The following PRKN variants were observed in gnomAD, a reference collection of about 807,000 sequenced individuals.
The protein encoded by PRKN is parkin RBR E3 ubiquitin protein ligase, also known as E3 ubiquitin-protein ligase parkin.
Under a neutral mutation model 59.5 loss-of-function variants are expected in PRKN, and 56 were observed. That is an observed-to-expected ratio of 0.94 (90% CI 0.76 to 1.18). The LOEUF (loss-of-function observed/expected upper bound fraction) is 1.18, where lower values mean the gene tolerates loss of function less well. Ranked by LOEUF, PRKN falls within the 50% of genes most tolerant of loss-of-function variation. PRKN has a pLI of 0.00. For missense variants in PRKN, 657 were observed against 596.4 expected (o/e 1.10, Z -1.06); for synonymous variants, 250 against 222.1 (o/e 1.13, Z -1.12).
At chr6:162,675,251 C>T (rs968470753) in intron 1 of PRKN, among the ~76,000 whole-genome samples, 7 of 151,876 alleles carry the variant, frequency 4.6e-5, no homozygotes. Flanking sequence ...GGTTTCACAA[C>T]GTTGGCCAGA....
intron 9 of PRKN, among the ~76,000 whole-genome samples, chr6:161,513,271 C>A (rs560054190): frequency 1.3e-5 from 2 of 152,136 alleles, no homozygotes; most frequent in Non-Finnish European, 2.9e-5. Context: ...GATGGGGTCT[C>A]GCTCTGTCAC....
intron 1 of PRKN, among the ~76,000 whole-genome samples, chr6:162,681,068 C>T (rs554199500): frequency 1.5e-5 from 2 of 133,962 alleles, no homozygotes; most frequent in South Asian, 2.2e-4. Flanking sequence ...CACTTTCACA[C>T]GTGTTTTTGA....
rs1467302308 is a variant in PRKN at position 162,647,312 on chromosome 6, TAAGTAAATCA to T, written c.7+80340_7+80349del. On this transcript the variant is annotated intron_variant, in intron 1 of 11. Coordinates refer to ENST00000366898, the MANE Select transcript of PRKN (RefSeq NM_004562.3). Reference sequence around the variant, plus strand: ...TAAATTTCAAAATATTTATGTGCAATAAGTAAATCAATGAGAACAAACAATCTGTTTTTGG... The same window carrying T: ...TAAATTTCAAAATATTTATGTGCAATATGAGAACAAACAATCTGTTTTTGG... Among the ~76,000 whole-genome samples, 3 of 152,096 alleles carry T rather than the reference TAAGTAAATCA, an allele frequency of 2.0e-5. No individual in the cohort carries two copies. In the East Asian group the frequency reaches 5.8e-4, roughly 29 times the overall value.
At position 161,552,847 on chromosome 6, in the gene PRKN, G is replaced by C. The variant is rs1226101044; in HGVS notation, c.934-3844C>G. Reference sequence around the variant, plus strand: ...CTCGTTGTTACGCGGCTGGAGTACAGTGGCGCAATCTCGGCTCACTGCAAC... The same window carrying C: ...CTCGTTGTTACGCGGCTGGAGTACACTGGCGCAATCTCGGCTCACTGCAAC... On this transcript the variant is annotated intron_variant, in intron 8 of 11. Transcript: ENST00000366898. This position sits in a 1 kb window ranked among gnomAD's most constrained non-coding sequence, Gnocchi z 4.9. Among the ~76,000 whole-genome samples, 2 of 148,666 alleles carry C rather than the reference G, an allele frequency of 1.3e-5. No homozygotes were observed. The highest frequency in any genetic ancestry group is 3.0e-5 in the Non-Finnish European group (2 of 67,474).
chr6:161,908,926 G>A (rs1778251835), intron 6 of PRKN, among the ~76,000 whole-genome samples: 2 of 152,166 alleles, frequency 1.3e-5, no homozygotes. Context: ...TACAGCCACT[G>A]TGTCCTGTGT....
intron 2 of PRKN, among the ~76,000 whole-genome samples, chr6:162,345,220 ATCACGGCACTT>A (rs1784347875): frequency 6.6e-6 from 1 of 152,214 alleles, no homozygotes; most frequent in African/African-American, 2.4e-5. Flanking sequence ...ACATAGATAA[ATCACGGCACTT>A]TCTGTCTAGC....
chr6:162,029,987 C>T (rs1257922210), intron 5 of PRKN, among the ~76,000 whole-genome samples: 3 of 152,016 alleles, frequency 2.0e-5, no homozygotes, highest in South Asian at 2.1e-4. Context: ...TACAGGTACA[C>T]GCTATCACAC....
chr6:162,305,902 CATGTTA>C (rs1225145811), intron 2 of PRKN, among the ~76,000 whole-genome samples: 5 of 151,934 alleles, frequency 3.3e-5, no homozygotes, highest in Admixed American at 2.0e-4. Context: ...TACATATATA[CATGTTA>C]ATGTCATGTT....
At chr6:161,953,595 T>C (rs1780064320) in intron 6 of PRKN, among the ~76,000 whole-genome samples, 1 of 152,068 alleles carries the variant, frequency 6.6e-6, no homozygotes, top group Non-Finnish European at 1.5e-5. Flanking sequence ...CACAACCACG[T>C]CCCTGAACAC....
At chr6:162,255,343 T>C (rs2128097680) in intron 3 of PRKN, among the ~76,000 whole-genome samples, 1 of 152,292 alleles carries the variant, frequency 6.6e-6, no homozygotes, top group African/African-American at 2.4e-5. Context: ...ACTTGGTATA[T>C]TCCAGGCCTT....
rs1784650751 is a variant in PRKN, at chr6:161,353,807, C to T, written c.1286-3596G>A. On this transcript the variant is annotated intron_variant, in intron 11 of 11. Transcript: ENST00000366898. This position sits in a 1 kb window ranked among gnomAD's most constrained non-coding sequence, Gnocchi z 4.8. ...TGGCAGTCCTGTGGGACTGAGCCCC[C>T]AGCCTGAGGGATCAGACACTATTTC... 6.6e-6 allele frequency among the ~76,000 whole-genome samples: 1 copy of T among 152,140 alleles called. No individual in the cohort carries two copies. Among genetic ancestry groups the T allele is most frequent in the Admixed American group, 6.5e-5 (1 of 15,274 alleles).
chr6:162,389,273 G>C (rs551136708), intron 2 of PRKN, among the ~76,000 whole-genome samples: 2 of 152,220 alleles, frequency 1.3e-5, no homozygotes, highest in East Asian at 3.9e-4. Context: ...CCTGTTGAAA[G>C]AAGCCACCAA....
intron 9 of PRKN, among the ~76,000 whole-genome samples, chr6:161,406,818 T>C (rs1787299116): frequency 6.6e-6 from 1 of 152,176 alleles, no homozygotes; most frequent in Non-Finnish European, 1.5e-5. Flanking sequence ...CAATCTGGAA[T>C]TTGCAAATCT....
chr6:162,620,042 A>G (rs899160041), intron 1 of PRKN, among the ~76,000 whole-genome samples: 3 of 80,794 alleles, frequency 3.7e-5, no homozygotes, highest in Non-Finnish European at 7.0e-5. Flanking sequence ...AAATATATCA[A>G]ATACATATTA....
chr6:162,685,814 C>G (rs1399298298), intron 1 of PRKN, among the ~76,000 whole-genome samples: 1 of 152,100 alleles, frequency 6.6e-6, no homozygotes, highest in African/African-American at 2.4e-5. Flanking sequence ...CCAGCAGACC[C>G]TCCCCTGCCA....
chr6:162,025,684 G>A (rs917620711), intron 5 of PRKN, among the ~76,000 whole-genome samples: 2 of 130,374 alleles, frequency 1.5e-5, no homozygotes, highest in Non-Finnish European at 3.1e-5. Context: ...CGCCTCCCAG[G>A]TTCAAGCGAT....
intron 2 of PRKN, among the ~76,000 whole-genome samples, chr6:162,295,274 A>T (rs776408180): frequency 6.6e-6 from 1 of 152,204 alleles, no homozygotes; most frequent in African/African-American, 2.4e-5. Flanking sequence ...GTGTCCACTT[A>T]GGGCCAAAAT....
chr6:162,203,587 G>A (rs555831904), intron 3 of PRKN, among the ~76,000 whole-genome samples: 57 of 152,228 alleles, frequency 3.7e-4, no homozygotes, highest in African/African-American at 1.3e-3. Flanking sequence ...ATAACACCCC[G>A]ACAATCTTCT....
At chr6:162,426,951 T>C (rs1159629229) in intron 2 of PRKN, among the ~76,000 whole-genome samples, 1 of 152,220 alleles carries the variant, frequency 6.6e-6, no homozygotes, top group Non-Finnish European at 1.5e-5. Context: ...AGGTTATTTG[T>C]TTCCTACGTT....
Sources: gnomAD v4.1 joint callset for allele counts (sites outside exome capture counted in the v4.1 genomes callset) on GRCh38, gnomAD v4.1.1 for gene constraint, Gnocchi (gnomAD v3.1) non-coding constraint, MANE v1.5 for transcripts, NCBI Gene and HGNC (gene_info 2026-07-23, HGNC 2026-07-21) for gene names.